The following ITGB1 variants were observed in gnomAD, a reference collection of about 807,000 sequenced individuals.
ITGB1 encodes the protein integrin subunit beta 1.
ITGB1 carries 24 observed loss-of-function variants against 86.5 expected under a neutral mutation model. The ratio of observed to expected loss-of-function variants is 0.28; its 90% CI spans 0.20 to 0.39. ITGB1 has a LOEUF of 0.39. ITGB1 is among the 10% of genes least tolerant of loss of function. The pLI, the probability that ITGB1 is intolerant of heterozygous loss-of-function variation, is 1.00. For missense variants in ITGB1, 556 were observed against 946.9 expected, an observed-to-expected ratio of 0.59 and a Z score of 5.42; for synonymous variants, 323 against 316.8, an observed-to-expected ratio of 1.02 and a Z score of -0.21.
chr10:32,925,769 T>C (rs2094962539), intron 6 of ITGB1, 102 bp downstream of exon 6: 3 of 771,830 alleles, frequency 3.9e-6, no homozygotes, highest in South Asian at 3.4e-5. Flanking sequence ...ATCAAATCTA[T>C]GAAAATTAAG....
chr10:32,921,162 C>G (rs1177906287), intron 9 of ITGB1, among the ~76,000 whole-genome samples: 1 of 55,968 alleles, frequency 1.8e-5, no homozygotes, highest in Non-Finnish European at 4.9e-5. Flanking sequence ...TGTAGCCCAG[C>G]CAAAAAAAAA....
In ITGB1 at chr10:32,923,735, C is replaced by G. The variant is rs778656710; in HGVS notation, c.792G>C (p.Leu264=). 9 of 1,609,748 alleles carry G rather than the reference C, an allele frequency of 5.6e-6. No homozygotes were observed. In the Admixed American group the frequency reaches 1.2e-4, roughly 21 times the overall value. Residue 264 remains leucine (L), a synonymous_variant, in exon 7 of 16, where the codon CTG becomes CTC. Transcript: ENST00000302278. ...AIMQVAVCGS[L]IGWRNVTRLL... Reference sequence around the variant, plus strand: ...GCCGTGTAACATTCCTCCAGCCAATCAGTGACTTGAAAAGAAAAGGATTTC... The same window carrying G: ...GCCGTGTAACATTCCTCCAGCCAATGAGTGACTTGAAAAGAAAAGGATTTC...
chr10:32,923,342 C>T (rs2094955567), intron 7 of ITGB1, among the ~76,000 whole-genome samples: 1 of 152,146 alleles, frequency 6.6e-6, no homozygotes, highest in African/African-American at 2.4e-5. Flanking sequence ...GTGAAAGTGG[C>T]ATCTGGGCAT....
chr10:32,931,770 C>T (rs1429112629), intron 3 of ITGB1, among the ~76,000 whole-genome samples: 1 of 152,096 alleles, frequency 6.6e-6, no homozygotes, highest in Non-Finnish European at 1.5e-5. Context: ...AAATCAGTAA[C>T]CCCTTGATCT....
intron 11 of ITGB1, among the ~76,000 whole-genome samples, chr10:32,914,824 A>T (rs890766997): frequency 2.6e-5 from 4 of 152,176 alleles, no homozygotes; most frequent in Admixed American, 2.6e-4. Flanking sequence ...CCTAATAGAC[A>T]TCTACAGAAC....
chr10:32,937,063 A>G (rs2095004337), intron 1 of ITGB1, among the ~76,000 whole-genome samples: 1 of 152,184 alleles, frequency 6.6e-6, no homozygotes, highest in Non-Finnish European at 1.5e-5. Flanking sequence ...ACCCTCTAAT[A>G]ATCCAGCTAC....
chr10:32,928,009 G>A, intron 5 of ITGB1, 85 bp downstream of exon 5: 1 of 806,448 alleles, frequency 1.2e-6, no homozygotes, highest in Non-Finnish European at 2.0e-6. Context: ...TATGTTGTGA[G>A]TAACAAAGGA....
chr10:32,920,532 G>T, intron 9 of ITGB1, 147 bp from the exon 10 acceptor site: 1 of 634,126 alleles, frequency 1.6e-6, no homozygotes. Context: ...AAAACACAGA[G>T]GCCAGAGAAA....
In ITGB1 at chr10:32,901,364, T is replaced by C; in HGVS notation, c.*206A>G. 1 of 471,442 alleles carries C rather than the reference T, an allele frequency of 2.1e-6. No individual in the cohort carries two copies. 29.2% of individuals were successfully genotyped at this position (471,442 alleles called of 1,614,324 possible). On this transcript the variant is annotated 3_prime_UTR_variant, in exon 16 of 16. Coordinates refer to ENST00000302278, the MANE Select transcript of ITGB1 (RefSeq NM_002211.4). ...TGACCTTAGCTGACAAGAGTAACCA[T>C]CCTGTCTCAAGTCTTTTGTCAGTCC... is the stretch of plus-strand genomic sequence containing the variant.
rs573286223 is a variant in ITGB1, at chr10:32,906,744, A to ACTC, written c.2331+1621_2331+1623dup. Reference sequence around the variant, plus strand: ...CCACCCCATACAAAACAGAGTACTGACTCCCTGTGACAGTTGAGAGAAGTG... The same window carrying ACTC: ...CCACCCCATACAAAACAGAGTACTGACTCCTCCCTGTGACAGTTGAGAGAAGTG... On this transcript the variant is annotated intron_variant, in intron 15 of 15. Transcript: ENST00000302278. 4.6e-4 allele frequency among the ~76,000 whole-genome samples: 70 copies of ACTC among 152,126 alleles called. 1 individual carries two copies. The South Asian group carries it at 5.8e-3, about 13-fold the overall frequency.
chr10:32,919,892 C>A lies in ITGB1; in HGVS notation c.1462G>T (p.Ala488Ser). The part of the protein sequence containing the change: ...HEGNGTFECG[A>S]CRCNEGRVGR... ...TGACAACACCCAGCTTACCTGCACGCGCCACACTCAAATGTCCCATTTCCT... is the reference window on the plus strand; with the variant it reads ...TGACAACACCCAGCTTACCTGCACGAGCCACACTCAAATGTCCCATTTCCT... The change falls in exon 11 of 16, where the codon GCG becomes TCG. Residue 488 changes from alanine to serine, a missense_variant. Physicochemically the swap from Ala to Ser is moderately conservative, Grantham distance 99. This residue lies in a region of ITGB1 where 330 missense variants were observed against 531.5 expected (regional missense o/e 0.62). Transcript: ENST00000302278. The A allele has an allele frequency of 1.2e-6, 2 of 1,614,016 alleles. No homozygotes were observed. The highest frequency in any genetic ancestry group is 1.7e-6 in the Non-Finnish European group (2 of 1,179,920).
At chr10:32,910,005 C>T (rs867130188) in intron 14 of ITGB1, among the ~76,000 whole-genome samples, 15 of 152,100 alleles carry the variant, frequency 9.9e-5, no homozygotes, top group Admixed American at 3.3e-4. Flanking sequence ...TGTATTTAAT[C>T]TTCAAACTCT....
At chr10:32,940,311 C>CT (rs1316463645) in intron 1 of ITGB1, among the ~76,000 whole-genome samples, 1 of 149,880 alleles carries the variant, frequency 6.7e-6, no homozygotes, top group African/African-American at 2.5e-5. Context: ...CGCCACTGCA[C>CT]TCCAGCCTGG....
Position 32,901,455 on chromosome 10 carries a change from T to C in ITGB1, c.*115A>G. ...TTTTAAAAATTATACATATTGTACATTTTCAAAACCTGCACATGAGTAAAA... is the reference window on the plus strand; with the variant it reads ...TTTTAAAAATTATACATATTGTACACTTTCAAAACCTGCACATGAGTAAAA... On this transcript the variant is annotated 3_prime_UTR_variant, in exon 16 of 16. Transcript: ENST00000302278. 1 of 686,110 alleles carries C rather than the reference T, an allele frequency of 1.5e-6. No homozygotes were observed. Among genetic ancestry groups the C allele is most frequent in the Non-Finnish European group, 2.5e-6 (1 of 404,936 alleles). The allele number at this position is 686,110 out of a possible 1,614,324, so 42.5% of individuals were successfully genotyped here. A position where few individuals can be genotyped will look rare whatever the true frequency, so the allele number is the denominator to read the frequency against.
intron 1 of ITGB1, among the ~76,000 whole-genome samples, chr10:32,937,757 T>C (rs1221156098): frequency 1.3e-5 from 2 of 152,164 alleles, no homozygotes; most frequent in African/African-American, 2.4e-5. Context: ...TTTTTTAAAC[T>C]GTTAGGGTCT....
chr10:32,925,364 C>G (rs2094961471), intron 6 of ITGB1, among the ~76,000 whole-genome samples: 1 of 152,142 alleles, frequency 6.6e-6, no homozygotes, highest in Non-Finnish European at 1.5e-5. Context: ...AAAACTAGAG[C>G]TTAAAAAGTT....
At chr10:32,908,280 T>G in intron 15 of ITGB1, 88 bp downstream of exon 15, 1 of 1,250,170 alleles carries the variant, frequency 8.0e-7, no homozygotes, top group Non-Finnish European at 1.2e-6. Context: ...AGGACTTTAA[T>G]AATCAGCCTG....
rs565142214 is a variant in ITGB1, at chr10:32,911,151, CAAATT to C, written c.1931+292_1931+296del. Among the ~76,000 whole-genome samples, 32 of 152,252 alleles carry C rather than the reference CAAATT, an allele frequency of 2.1e-4. No individual in the cohort carries two copies. The East Asian group carries it at 4.0e-3, about 19-fold the overall frequency. On this transcript the variant is annotated intron_variant, in intron 13 of 15. Transcript: ENST00000302278. ...ACAGTAATTAAGAAATTGGTAATGA[CAAATT>C]AAATTAAATTAAATCTTAATTGCCA...
intron 11 of ITGB1, among the ~76,000 whole-genome samples, chr10:32,913,829 C>T (rs2094922158): frequency 6.6e-6 from 1 of 152,136 alleles, no homozygotes. Context: ...CACAAAGATA[C>T]TCCTTGAGAA....
Sources: gnomAD v4.1 joint callset for allele counts (sites outside exome capture counted in the v4.1 genomes callset) on GRCh38, gnomAD v4.1.1 for gene constraint, gnomAD v4.1.1 regional missense constraint, MANE v1.5 for transcripts, NCBI Gene and HGNC (gene_info 2026-07-23, HGNC 2026-07-21) for gene names.